Variants in MPP7 observed in about 807,000 individuals in gnomAD.
The protein encoded by MPP7 is MAGUK p55 scaffold protein 7.
Under a neutral mutation model 76.5 loss-of-function variants are expected in MPP7, and 60 were observed. The observed-to-expected ratio is 0.78, with a 90% CI of 0.64 to 0.97. The LOEUF (loss-of-function observed/expected upper bound fraction) is 0.97. Ranked by LOEUF, MPP7 falls within the 50% of genes least tolerant of loss-of-function variation. The probability of loss-of-function intolerance (pLI) is 0.00; values close to 1 mark genes in which losing one functional copy is unlikely to be tolerated. For missense variants in MPP7, 641 were observed against 694.0 expected (o/e 0.92, Z 0.86); for synonymous variants, 237 against 244.5 (o/e 0.97, Z 0.29).
intron 11 of MPP7, among the ~76,000 whole-genome samples, chr10:28,108,111 T>C (rs1345081066): frequency 1.3e-5 from 2 of 152,220 alleles, no homozygotes; most frequent in African/African-American, 4.8e-5. Flanking sequence ...ATTCTGTCTC[T>C]GCAGATGGGG....
intron 3 of MPP7, among the ~76,000 whole-genome samples, chr10:28,164,186 C>T (rs960755015): frequency 1.3e-5 from 2 of 152,120 alleles, no homozygotes; most frequent in African/African-American, 4.8e-5. Context: ...AGAAAGAAAT[C>T]ACCCAGGGAG....
chr10:28,146,144 T>C (rs554329638), intron 5 of MPP7, among the ~76,000 whole-genome samples: 49 of 152,198 alleles, frequency 3.2e-4, no homozygotes, highest in Non-Finnish European at 6.5e-4. Context: ...AATGAAGAAA[T>C]CTTCAGAACG....
intron 12 of MPP7, among the ~76,000 whole-genome samples, chr10:28,071,198 T>C (rs1223483186): frequency 1.3e-5 from 2 of 152,242 alleles, no homozygotes; most frequent in East Asian, 3.8e-4. Context: ...CTTGCCTATG[T>C]CTTCTTCCAC....
intron 13 of MPP7, among the ~76,000 whole-genome samples, chr10:28,060,525 A>G (rs1366373169): frequency 6.6e-6 from 1 of 152,228 alleles, no homozygotes; most frequent in Non-Finnish European, 1.5e-5. Context: ...GGTAGACTGT[A>G]GAGGGGAGTC....
At chr10:28,125,117 T>G (rs1156974683) in intron 6 of MPP7, 26 bp from the exon 7 acceptor site, 2 of 1,596,788 alleles carry the variant, frequency 1.3e-6, no homozygotes, top group Non-Finnish European at 8.6e-7. Flanking sequence ...CAAAAAGCAT[T>G]TGTGGGTAAA....
At position 28,054,145 on chromosome 10, in the gene MPP7, C is replaced by A. The variant is rs1160723648; in HGVS notation, c.1651G>T (p.Ala551Ser). 4 of 1,610,828 alleles carry A rather than the reference C, an allele frequency of 2.5e-6. No individual in the cohort carries two copies. The highest frequency in any genetic ancestry group is 3.4e-6 in the Non-Finnish European group (4 of 1,177,428). Reference protein sequence around the residue: ...KIIINDDLTVAFNELKTTFDK... With the variant: ...KIIINDDLTVSFNELKTTFDK... ...AAAGTTGTTTTGAGCTCATTGAATG[C>A]CACAGTGAGGTCATCATTTATTATA... Residue 551 changes from alanine to serine, a missense_variant, in exon 17 of 17, where the codon GCA becomes TCA. Transcript: ENST00000683449.
chr10:28,246,745 TG>T (rs1445578869), intron 1 of MPP7, among the ~76,000 whole-genome samples: 1 of 152,148 alleles, frequency 6.6e-6, no homozygotes, highest in Non-Finnish European at 1.5e-5. Flanking sequence ...AAAAAGAGCA[TG>T]GTGGAAACCA....
chr10:28,093,674 T>C (rs974518414), intron 11 of MPP7, among the ~76,000 whole-genome samples: 6 of 152,172 alleles, frequency 3.9e-5, no homozygotes, highest in African/African-American at 1.4e-4. Flanking sequence ...CTCGAACTCC[T>C]GACCTCAGGA....
intron 1 of MPP7, among the ~76,000 whole-genome samples, chr10:28,261,355 C>A (rs928937987): frequency 1.3e-5 from 2 of 152,190 alleles, no homozygotes; most frequent in Admixed American, 1.3e-4. Flanking sequence ...GGTGGCTTTG[C>A]GCTCCACTGG....
At chr10:28,075,769 T>G (rs890820801) in intron 12 of MPP7, among the ~76,000 whole-genome samples, 2 of 152,164 alleles carry the variant, frequency 1.3e-5, no homozygotes, top group South Asian at 4.1e-4. Context: ...CCCGAGTTCA[T>G]GTGTTTCCTG....
chr10:28,164,830 G>A (rs1836392120), intron 3 of MPP7, among the ~76,000 whole-genome samples: 1 of 152,140 alleles, frequency 6.6e-6, no homozygotes, highest in Non-Finnish European at 1.5e-5. Flanking sequence ...GAGGGATGAA[G>A]AATAAGAAAT....
At chr10:28,078,429 T>C (rs561083483) in intron 12 of MPP7, among the ~76,000 whole-genome samples, 1 of 152,316 alleles carries the variant, frequency 6.6e-6, no homozygotes, top group East Asian at 1.9e-4. Context: ...GGATTCTCAA[T>C]TCAGGACTGA....
At chr10:28,269,211 A>G (rs1840243099) in intron 1 of MPP7, among the ~76,000 whole-genome samples, 1 of 152,198 alleles carries the variant, frequency 6.6e-6, no homozygotes, top group Non-Finnish European at 1.5e-5. Flanking sequence ...ATGCCCTGCT[A>G]TCCTAACCCC....
At chr10:28,183,822 A>G (rs1230446244) in intron 3 of MPP7, among the ~76,000 whole-genome samples, 1 of 152,208 alleles carries the variant, frequency 6.6e-6, no homozygotes, top group Non-Finnish European at 1.5e-5. Flanking sequence ...ACAAGAAACT[A>G]TCATCCTGAA....
chr10:28,123,899 C>T (rs764672051), intron 8 of MPP7, 132 bp downstream of exon 8: 31 of 629,796 alleles, frequency 4.9e-5, no homozygotes, highest in Non-Finnish European at 7.6e-5. Flanking sequence ...TCCAAGAACA[C>T]ACAGGGATTA....
chr10:28,204,850 T>G (rs1256874080), intron 2 of MPP7, among the ~76,000 whole-genome samples: 1 of 152,236 alleles, frequency 6.6e-6, no homozygotes, highest in Non-Finnish European at 1.5e-5. Context: ...ATAGCTTAGC[T>G]GTATATTGCA....
rs182229570 is a variant in MPP7 at position 28,229,806 on chromosome 10, G to A, written c.37+8762C>T. The stretch of plus-strand genomic sequence containing the variant: ...CAGGAGGCTGAGGCAGGAGAATGGC[G>A]TGAACCCGGGAGGCGGAGCTTGCAG... On this transcript the variant is annotated intron_variant, in intron 2 of 16. Transcript: ENST00000683449. 4.4e-3 allele frequency among the ~76,000 whole-genome samples: 665 copies of A among 151,736 alleles called. 9 individuals carry two copies. Among genetic ancestry groups the A allele is most frequent in the African/African-American group, 0.015 (622 of 41,382 alleles).
At chr10:28,242,884 T>C (rs1839315575) in intron 1 of MPP7, among the ~76,000 whole-genome samples, 1 of 152,180 alleles carries the variant, frequency 6.6e-6, no homozygotes, top group Non-Finnish European at 1.5e-5. Flanking sequence ...AGGTTCATTA[T>C]AGAATATCCT....
chr10:28,068,502 T>C (rs1030682386), intron 13 of MPP7, among the ~76,000 whole-genome samples: 27 of 152,084 alleles, frequency 1.8e-4, no homozygotes, highest in African/African-American at 5.8e-4. Context: ...ACATATTAAG[T>C]AGTCAAATGG....
Sources: allele counts gnomAD v4.1 joint callset (sites outside exome capture counted in the v4.1 genomes callset), GRCh38; gene constraint gnomAD v4.1.1; transcripts MANE v1.5; gene names NCBI Gene and HGNC (gene_info 2026-07-23, HGNC 2026-07-21).